Variants in ADAM12 observed in about 807,000 individuals in gnomAD.
ADAM12 encodes ADAM metallopeptidase domain 12, also known as disintegrin and metalloproteinase domain-containing protein 12.
In ADAM12, 70 loss-of-function variants were observed where a neutral mutation model predicts 106.4. That is an observed-to-expected ratio of 0.66 (90% CI 0.54 to 0.80). The LOEUF (loss-of-function observed/expected upper bound fraction) is 0.80, where lower values mean the gene tolerates loss of function less well. Among genes scored for constraint, ADAM12 ranks in the 30% least tolerant of loss-of-function variants. The pLI is 0.00. For synonymous variants in ADAM12, 420 were observed against 433.5 expected, an observed-to-expected ratio of 0.97 and a Z score of 0.39; for missense variants, 1,010 against 1,171.9, an observed-to-expected ratio of 0.86 and a Z score of 2.02.
intron 4 of ADAM12, among the ~76,000 whole-genome samples, chr10:126,143,185 G>A (rs1407412977): frequency 6.6e-6 from 1 of 150,702 alleles, no homozygotes; most frequent in Non-Finnish European, 1.5e-5. Context: ...TGTGTATATG[G>A]TATCTGTGTA....
At chr10:126,063,307 G>C (rs1430720414) in intron 14 of ADAM12, among the ~76,000 whole-genome samples, 3 of 152,190 alleles carry the variant, frequency 2.0e-5, no homozygotes, top group African/African-American at 7.2e-5. Flanking sequence ...AAAGCTCCAA[G>C]TACAGAGGAC....
chr10:126,086,667 AAAAAAAAAAAAAAATATATATAT>A (rs575120611), intron 11 of ADAM12, among the ~76,000 whole-genome samples: 7,083 of 69,772 alleles, frequency 0.1, 645 homozygotes, highest in East Asian at 0.19. Context: ...AAAAAAAAAA[AAAAAAAAAAAAAAATATATATAT>A]ATATATATAT....
intron 2 of ADAM12, 102 bp from the exon 3 acceptor site, chr10:126,279,090 G>A (rs1333107999): frequency 2.3e-6 from 2 of 855,672 alleles, no homozygotes; most frequent in Non-Finnish European, 3.8e-6. Flanking sequence ...AATAAACGAT[G>A]CGGTCAACCT....
intron 14 of ADAM12, among the ~76,000 whole-genome samples, chr10:126,061,913 G>A (rs1462747328): frequency 2.6e-5 from 4 of 152,172 alleles, no homozygotes; most frequent in Non-Finnish European, 4.4e-5. Context: ...AACTCACACA[G>A]CGCCTGTAAA....
intron 3 of ADAM12, among the ~76,000 whole-genome samples, chr10:126,168,224 A>T (rs1957058520): frequency 6.6e-6 from 1 of 152,198 alleles, no homozygotes; most frequent in South Asian, 2.1e-4. Flanking sequence ...GTATCTGCAG[A>T]ATGTTTGGGC....
intron 16 of ADAM12, among the ~76,000 whole-genome samples, chr10:126,047,795 A>T (rs1473507373): frequency 6.6e-6 from 1 of 152,230 alleles, no homozygotes; most frequent in Non-Finnish European, 1.5e-5. Flanking sequence ...ACTACTGGGT[A>T]ATACCCAAAG....
chr10:126,283,658 C>T (rs1031602501), intron 2 of ADAM12, among the ~76,000 whole-genome samples: 1 of 152,184 alleles, frequency 6.6e-6, no homozygotes, highest in African/African-American at 2.4e-5. Flanking sequence ...CTTTCTTCCT[C>T]CTCCCTTTCT....
chr10:126,345,175 CTT>C (rs1392960980), intron 1 of ADAM12, among the ~76,000 whole-genome samples: 1 of 152,106 alleles, frequency 6.6e-6, no homozygotes, highest in Non-Finnish European at 1.5e-5. Flanking sequence ...ATAAATAGCT[CTT>C]ATTATTTTGA....
intron 1 of ADAM12, among the ~76,000 whole-genome samples, chr10:126,338,546 C>T (rs1429761534): frequency 6.6e-6 from 1 of 152,118 alleles, no homozygotes; most frequent in African/African-American, 2.4e-5. Flanking sequence ...GCCACCGCGC[C>T]CGGCCTGTAA....
chr10:126,190,220 T>C (rs1396125854), intron 3 of ADAM12, among the ~76,000 whole-genome samples: 1 of 151,668 alleles, frequency 6.6e-6, no homozygotes, highest in Admixed American at 6.6e-5. Flanking sequence ...CTTTTTTTTT[T>C]AGACGGAGTC....
intron 5 of ADAM12, among the ~76,000 whole-genome samples, chr10:126,119,634 CTT>C (rs1956048995): frequency 6.6e-6 from 1 of 152,116 alleles, no homozygotes; most frequent in African/African-American, 2.4e-5. Flanking sequence ...TTGAGCCAGT[CTT>C]TAGGTTTGGG....
chr10:126,048,313 T>C (rs573253903), intron 16 of ADAM12, among the ~76,000 whole-genome samples: 1 of 152,286 alleles, frequency 6.6e-6, no homozygotes, highest in South Asian at 2.1e-4. Context: ...AAAATATGAT[T>C]TGAGCCTAAA....
intron 3 of ADAM12, among the ~76,000 whole-genome samples, chr10:126,254,156 G>A (rs1380026097): frequency 6.6e-6 from 1 of 152,162 alleles, no homozygotes; most frequent in African/African-American, 2.4e-5. Context: ...TCAGCTCTCA[G>A]CCATTAGAAC....
At chr10:126,287,941 G>C (rs149989336) in intron 2 of ADAM12, among the ~76,000 whole-genome samples, 8 of 151,374 alleles carry the variant, frequency 5.3e-5, no homozygotes, top group African/African-American at 7.3e-5. Context: ...CACACCCGGA[G>C]CAGGGCCACC....
intron 3 of ADAM12, among the ~76,000 whole-genome samples, chr10:126,200,204 C>A (rs1345150886): frequency 6.6e-6 from 1 of 152,120 alleles, no homozygotes; most frequent in Non-Finnish European, 1.5e-5. Context: ...CACACGGGGA[C>A]TGGATGGTCT....
intron 11 of ADAM12, among the ~76,000 whole-genome samples, chr10:126,088,732 G>A (rs925050014): frequency 1.1e-5 from 1 of 88,754 alleles, no homozygotes. Context: ...AACAAAAAGA[G>A]AGAGAGAAGG....
chr10:126,035,547 T>A (rs528825711), intron 21 of ADAM12, among the ~76,000 whole-genome samples: 50 of 152,178 alleles, frequency 3.3e-4, no homozygotes, highest in African/African-American at 1.2e-3. Context: ...CAGTGAAAAA[T>A]TACCAGTGAT....
intron 2 of ADAM12, among the ~76,000 whole-genome samples, chr10:126,300,491 T>A (rs1960572670): frequency 6.6e-6 from 1 of 152,202 alleles, no homozygotes; most frequent in African/African-American, 2.4e-5. Flanking sequence ...GCATTACTGT[T>A]TAACAACTTG....
rs373833859 is a variant in ADAM12 at position 126,131,664 on chromosome 10, G to A, written c.416+3920C>T. Among the ~76,000 whole-genome samples the A allele has an allele frequency of 1.3e-3, 192 of 152,282 alleles. 1 individual carries two copies. Among genetic ancestry groups the A allele is most frequent in the African/African-American group, 4.5e-3 (187 of 41,570 alleles). On this transcript the variant is annotated intron_variant, in intron 5 of 22. Transcript: ENST00000448723. ...CACACAGCAAGCTAATGACTGCCTG[G>A]AAGCCAAGAGAAAAGGCCTCAGGAG...
Sources: gnomAD v4.1 joint callset for allele counts (sites outside exome capture counted in the v4.1 genomes callset) on GRCh38, gnomAD v4.1.1 for gene constraint, MANE v1.5 for transcripts, NCBI Gene and HGNC (gene_info 2026-07-23, HGNC 2026-07-21) for gene names.